CACNA1C: variants seen among roughly 807,000 people sequenced by gnomAD.
The protein encoded by CACNA1C is voltage-dependent L-type calcium channel subunit alpha-1C.
Under a neutral mutation model 229.0 loss-of-function variants are expected in CACNA1C, and 30 were observed. The ratio of observed to expected loss-of-function variants is 0.13; its 90% CI spans 0.10 to 0.18. The LOEUF (loss-of-function observed/expected upper bound fraction) is 0.18, where lower values mean the gene tolerates loss of function less well. Ranked by LOEUF, CACNA1C falls within the 10% of genes least tolerant of loss-of-function variation. The pLI is 1.00. For synonymous variants in CACNA1C, 1,114 were observed against 1,132.5 expected (o/e 0.98, Z 0.33); for missense variants, 1,658 against 2,845.0 (o/e 0.58, Z 9.49).
At chr12:2,578,528 C>T (rs1029176539) in intron 13 of CACNA1C, among the ~76,000 whole-genome samples, 2 of 152,126 alleles carry the variant, frequency 1.3e-5, no homozygotes, top group African/African-American at 4.8e-5. Context: ...GCTTGGACAT[C>T]AGCTGCCCGG....
chr12:2,129,944 G>A (rs1253973999), intron 3 of CACNA1C, among the ~76,000 whole-genome samples: 1 of 152,166 alleles, frequency 6.6e-6, no homozygotes, highest in Non-Finnish European at 1.5e-5. Flanking sequence ...GACCTATGGG[G>A]CTTACTTATG....
chr12:2,222,470 CT>C (rs2061718989), intron 3 of CACNA1C: 1 of 152,110 alleles, frequency 6.6e-6, no homozygotes, highest in Admixed American at 6.5e-5. Context: ...AAGAATAATG[CT>C]TTCACGGAGT....
At chr12:2,550,411 A>C in intron 10 of CACNA1C, 16 of 619,280 alleles carry the variant, frequency 2.6e-5, no homozygotes, top group Non-Finnish European at 3.7e-5. Flanking sequence ...CAGCGAGGTT[A>C]GGGCCCTGAG....
chr12:2,017,690 C>T (rs1167298236), intron 1 of CACNA1C, among the ~76,000 whole-genome samples: 2 of 149,772 alleles, frequency 1.3e-5, no homozygotes, highest in Non-Finnish European at 3.0e-5. Context: ...AATGCCTCTA[C>T]TGATAAAAAT....
intron 3 of CACNA1C, among the ~76,000 whole-genome samples, chr12:2,236,501 T>C (rs546633926): frequency 6.6e-6 from 1 of 152,292 alleles, no homozygotes; most frequent in African/African-American, 2.4e-5. Flanking sequence ...AAAACTAAGT[T>C]TCCTAGGACT....
Position 2,605,823 on chromosome 12 carries a change from C to T in CACNA1C, c.3156+37C>T. On this transcript the variant is annotated intron_variant, in intron 24 of 46. Transcript: ENST00000399655. This position sits in a 1 kb window ranked among gnomAD's most constrained non-coding sequence, Gnocchi z 6.2. The stretch of plus-strand genomic sequence containing the variant: ...GCTCCGTTGTGGTCCTCCTACCTCC[C>T]CTCCCATCAGCATTCCTGGGGAAGG... 1.5e-6 allele frequency: 2 copies of T among 1,336,020 alleles called. No individual in the cohort carries two copies. Among genetic ancestry groups the T allele is most frequent in the Non-Finnish European group, 2.2e-6 (2 of 926,222 alleles). The allele number at this position is 1,336,020 out of a possible 1,614,324, so 82.8% of individuals were successfully genotyped here. A position where few individuals can be genotyped will look rare whatever the true frequency, so the allele number is the denominator to read the frequency against.
chr12:2,583,280 C>T (rs1218557184), intron 15 of CACNA1C, among the ~76,000 whole-genome samples: 2 of 152,220 alleles, frequency 1.3e-5, no homozygotes, highest in Non-Finnish European at 2.9e-5. Flanking sequence ...TGCCCTGGGG[C>T]CGCGGCGTCT....
At chr12:2,686,387 T>TCCTGCC in intron 45 of CACNA1C, 118 bp downstream of exon 45, 1 of 840,138 alleles carries the variant, frequency 1.2e-6, no homozygotes, top group South Asian at 1.3e-5. Context: ...GGCTGGCACG[T>TCCTGCC]CCTGCCCCTG....
chr12:2,381,875 C>G (rs1372468137), intron 3 of CACNA1C, among the ~76,000 whole-genome samples: 1 of 152,186 alleles, frequency 6.6e-6, no homozygotes, highest in African/African-American at 2.4e-5. Flanking sequence ...TTGGAGGTAT[C>G]CTGGGAGAAG....
intron 7 of CACNA1C, among the ~76,000 whole-genome samples, chr12:2,501,717 GT>G (rs942299130): frequency 1.3e-5 from 2 of 152,118 alleles, no homozygotes; most frequent in African/African-American, 4.8e-5. Flanking sequence ...TCTTCTCCTG[GT>G]GCTGAAGTCT....
At chr12:2,283,150 G>A (rs939842387) in intron 3 of CACNA1C, among the ~76,000 whole-genome samples, 2 of 152,100 alleles carry the variant, frequency 1.3e-5, no homozygotes, top group Admixed American at 6.6e-5. Flanking sequence ...TAGATCTTGG[G>A]TAGAGCCTGA....
chr12:2,690,918 C>T lies in CACNA1C; in HGVS notation c.6136C>T (p.Leu2046=). 2 of 1,585,190 alleles carry T rather than the reference C, an allele frequency of 1.3e-6. No homozygotes were observed. Among genetic ancestry groups the T allele is most frequent in the Non-Finnish European group, 1.7e-6 (2 of 1,163,828 alleles). The change falls in exon 47 of 47, where the codon CTG becomes TTG. Residue 2046 remains leucine (L), a synonymous_variant. Coordinates refer to ENST00000399655, the MANE Select transcript of CACNA1C (RefSeq NM_000719.7). The stretch of plus-strand genomic sequence containing the variant: ...CCTTCAGGTCTTGATTTCAGAAGGA[C>T]TGGGGCAGTTTGCTCAAGATCCCAA... ...LVEAVLISEG[L]GQFAQDPKFI...
At chr12:2,548,528 C>A (rs1202815025) in intron 9 of CACNA1C, among the ~76,000 whole-genome samples, 1 of 152,130 alleles carries the variant, frequency 6.6e-6, no homozygotes, top group Admixed American at 6.5e-5. Context: ...CGAGTTAGAG[C>A]CAGATAATTT....
At chr12:2,169,859 AG>A in intron 3 of CACNA1C, among the ~76,000 whole-genome samples, 1 of 152,312 alleles carries the variant, frequency 6.6e-6, no homozygotes, top group South Asian at 2.1e-4. Flanking sequence ...CTATTTGTGA[AG>A]GCCTATTCTG....
chr12:2,423,540 G>C (rs1399813908), intron 3 of CACNA1C, among the ~76,000 whole-genome samples: 1 of 152,142 alleles, frequency 6.6e-6, no homozygotes. Context: ...TTGGGACACT[G>C]GTTGGAATAT....
intron 34 of CACNA1C, among the ~76,000 whole-genome samples, chr12:2,662,039 G>C (rs1291252975): frequency 1.3e-5 from 2 of 152,070 alleles, no homozygotes; most frequent in Admixed American, 1.3e-4. Context: ...TCAGGAGATC[G>C]AGACCATCCT....
Position 2,289,735 on chromosome 12 carries a change from C to T in CACNA1C, c.478-159241C>T, listed in dbSNP as rs150493949. 9.5e-3 allele frequency among the ~76,000 whole-genome samples: 1,447 copies of T among 152,150 alleles called. 17 individuals are homozygous for T. Among genetic ancestry groups the T allele is most frequent in the African/African-American group, 0.033 (1,386 of 41,484 alleles). ...CCATATGGGCAATGATCCAAGCTGC[C>T]GATGGGTACACACCGGGGACACCTA... On this transcript the variant is annotated intron_variant, in intron 3 of 46. Transcript: ENST00000399655.
At chr12:2,480,450 T>G (rs1032735221) in intron 5 of CACNA1C, among the ~76,000 whole-genome samples, 4 of 152,224 alleles carry the variant, frequency 2.6e-5, no homozygotes, top group Non-Finnish European at 5.9e-5. Flanking sequence ...ATCAGTTGCA[T>G]GATTATTTGA....
rs772778432 is a variant in CACNA1C at position 2,679,093 on chromosome 12, G to A, written c.5092-351G>A. Among the ~76,000 whole-genome samples, 14 of 152,092 alleles carry A rather than the reference G, an allele frequency of 9.2e-5. No homozygotes were observed. Among genetic ancestry groups the A allele is most frequent in the African/African-American group, 1.9e-4 (8 of 41,422 alleles). On this transcript the variant is annotated intron_variant, in intron 41 of 46. Coordinates refer to ENST00000399655, the MANE Select transcript of CACNA1C (RefSeq NM_000719.7). The surrounding 1 kb of genome is among the most constrained non-coding windows in gnomAD (Gnocchi z 5.5). The stretch of plus-strand genomic sequence containing the variant: ...GCTCTTAGGGACCACCATCCTAGAC[G>A]TGCCCTGGAAACTCACTCCCAGCCT...
Sources: allele counts gnomAD v4.1 joint callset (sites outside exome capture counted in the v4.1 genomes callset), GRCh38; gene constraint gnomAD v4.1.1; non-coding constraint Gnocchi (gnomAD v3.1); transcripts MANE v1.5; gene names NCBI Gene and HGNC (gene_info 2026-07-23, HGNC 2026-07-21).